PKD1L1: variants seen among roughly 807,000 people sequenced by gnomAD.
PKD1L1 encodes the protein polycystin 1 like 1, transient receptor potential channel interacting.
PKD1L1 carries 236 observed loss-of-function variants against 323.4 expected under a neutral mutation model. The ratio of observed to expected loss-of-function variants is 0.73; its 90% CI spans 0.66 to 0.81. The LOEUF is 0.81. Among genes scored for constraint, PKD1L1 ranks in the 40% least tolerant of loss-of-function variants. The pLI is 0.00. For missense variants in PKD1L1, 3,320 were observed against 3,508.0 expected (o/e 0.95, Z 1.35); for synonymous variants, 1,344 against 1,335.0 (o/e 1.01, Z -0.15).
At chr7:47,872,062 A>C (rs548970582) in intron 24 of PKD1L1, among the ~76,000 whole-genome samples, 1 of 152,260 alleles carries the variant, frequency 6.6e-6, no homozygotes, top group South Asian at 2.1e-4. Context: ...ATACTAACAA[A>C]CATGTTCAGC....
chr7:47,929,140 C>T lies in PKD1L1; in HGVS notation c.1060+64G>A. The T allele has an allele frequency of 2.0e-6, 3 of 1,499,710 alleles. No individual in the cohort carries two copies. The South Asian group carries it at 3.8e-5, about 19-fold the overall frequency. The allele number at this position is 1,499,710 out of a possible 1,614,324, so 92.9% of individuals were successfully genotyped here. A position where few individuals can be genotyped will look rare whatever the true frequency, so the allele number is the denominator to read the frequency against. On this transcript the variant is annotated intron_variant, in intron 7 of 56. Transcript: ENST00000289672. ...GTTTCTTTTCTTTTCCCAACACTGC[C>T]TCTTGGGTCCCCTAGCTCAGGACCT...
At chr7:47,919,062 C>G (rs190179953) in intron 7 of PKD1L1, among the ~76,000 whole-genome samples, 146 of 151,800 alleles carry the variant, frequency 9.6e-4, no homozygotes, top group African/African-American at 3.4e-3. Context: ...ACAAAAAATA[C>G]AAAAGATAAA....
intron 16 of PKD1L1, among the ~76,000 whole-genome samples, 179 bp downstream of exon 16, chr7:47,890,363 C>G (rs530954910): frequency 6.6e-6 from 1 of 152,208 alleles, no homozygotes; most frequent in South Asian, 2.1e-4. Context: ...AGCCCGAGAG[C>G]GGGGACTGCT....
At chr7:47,861,620 C>T (rs368867053) in intron 26 of PKD1L1, among the ~76,000 whole-genome samples, 36 of 152,118 alleles carry the variant, frequency 2.4e-4, no homozygotes, top group African/African-American at 8.2e-4. Context: ...CGGTGGCTCA[C>T]GCCTGTAATC....
intron 2 of PKD1L1, among the ~76,000 whole-genome samples, chr7:47,943,163 AATATATATATATATAT>A (rs60168291): frequency 6.4e-4 from 22 of 34,144 alleles, no homozygotes; most frequent in African/African-American, 2.0e-3. Flanking sequence ...AAAAAAAAAA[AATATATATATATATAT>A]ATATATATAT....
At chr7:47,924,748 C>T (rs1787626078) in intron 7 of PKD1L1, among the ~76,000 whole-genome samples, 2 of 152,128 alleles carry the variant, frequency 1.3e-5, no homozygotes, top group South Asian at 2.1e-4. Flanking sequence ...AATATTTAGT[C>T]TGTGAAGTTA....
intron 15 of PKD1L1, among the ~76,000 whole-genome samples, chr7:47,891,485 C>T (rs555257978): frequency 3.7e-4 from 57 of 152,322 alleles, no homozygotes; most frequent in African/African-American, 1.2e-3. Flanking sequence ...GGCCCCATCC[C>T]GCAGCCATAA....
intron 40 of PKD1L1, among the ~76,000 whole-genome samples, 168 bp downstream of exon 40, chr7:47,834,171 G>A (rs557781481): frequency 1.3e-4 from 20 of 152,326 alleles, no homozygotes; most frequent in African/African-American, 4.3e-4. Context: ...TAGGGAGGAC[G>A]GCCCCCAGCC....
Position 47,843,067 on chromosome 7 carries a change from C to T in PKD1L1, c.5340G>A (p.Lys1780=), listed in dbSNP as rs141273845. ...CTTGCAGAAAGATGTAACCAGCTTT[C>T]TTTTTTTCATGATGATCTACTTGTC... ...KSRQVDHHEK[K]KAGYIFLQEA... Residue 1780 remains lysine, a synonymous_variant, in exon 34 of 57, where the codon AAG becomes AAA. Coordinates refer to ENST00000289672, the MANE Select transcript of PKD1L1 (RefSeq NM_138295.5). 9 of 1,613,742 alleles carry T rather than the reference C, an allele frequency of 5.6e-6. No homozygotes were observed. The African/African-American group carries it at 9.4e-5, about 17-fold the overall frequency.
At chr7:47,815,709 A>G (rs1002220123) in intron 46 of PKD1L1, among the ~76,000 whole-genome samples, 2 of 152,220 alleles carry the variant, frequency 1.3e-5, no homozygotes, top group African/African-American at 4.8e-5. Flanking sequence ...TCACTCAACA[A>G]ACATTACTAT....
intron 2 of PKD1L1, among the ~76,000 whole-genome samples, chr7:47,940,522 A>C (rs1787964738): frequency 1.3e-5 from 2 of 152,194 alleles, no homozygotes; most frequent in Admixed American, 6.5e-5. Context: ...ACAATGTCTT[A>C]GGTGTAGCCC....
intron 7 of PKD1L1, among the ~76,000 whole-genome samples, chr7:47,925,116 T>C (rs1466097146): frequency 2.0e-5 from 3 of 152,084 alleles, no homozygotes; most frequent in Non-Finnish European, 2.9e-5. Flanking sequence ...GACAACCAGT[T>C]TGGGGACAAA....
Position 47,775,174 on chromosome 7 carries a change from G to GA in PKD1L1, c.8527-9dup. 1 of 1,613,594 alleles carries GA rather than the reference G, an allele frequency of 6.2e-7. No homozygotes were observed. The highest frequency in any genetic ancestry group is 1.1e-5 in the South Asian group (1 of 91,042). ...GTCCTTGATGTCTGCTGGCTAAAAA[G>GA]AAAAAATGAAAAACATACTGAAACA... On this transcript the variant is annotated splice_polypyrimidine_tract_variant and intron_variant, in intron 56 of 56. Transcript: ENST00000289672.
At chr7:47,912,206 T>C (rs1787336610) in intron 8 of PKD1L1, among the ~76,000 whole-genome samples, 1 of 152,000 alleles carries the variant, frequency 6.6e-6, no homozygotes, top group African/African-American at 2.4e-5. Context: ...AAAGTCAACA[T>C]TTTAGAGTAT....
chr7:47,813,705 A>T, intron 48 of PKD1L1: 1 of 638,434 alleles, frequency 1.6e-6, no homozygotes. Flanking sequence ...AATTGAAGAA[A>T]CCTGCAGCAG....
chr7:47,843,274 G>T, intron 33 of PKD1L1, 105 bp from the exon 34 acceptor site: 2 of 831,484 alleles, frequency 2.4e-6, no homozygotes, highest in Non-Finnish European at 1.8e-6. Flanking sequence ...GTCCCTGCTG[G>T]GCTTCACTGA....
At chr7:47,827,524 C>T (rs1785263217) in intron 44 of PKD1L1, 56 bp from the exon 45 acceptor site, 4 of 1,438,556 alleles carry the variant, frequency 2.8e-6, no homozygotes, top group African/African-American at 1.4e-5. Flanking sequence ...GGAGAGAGGC[C>T]CCTGGTGCTC....
At chr7:47,893,833 C>T (rs374658208) in intron 15 of PKD1L1, 45 bp downstream of exon 15, 136 of 1,575,470 alleles carry the variant, frequency 8.6e-5, no homozygotes, top group East Asian at 2.0e-4. Context: ...TTGCAGAATG[C>T]GCGGTCTGAG....
chr7:47,957,871 A>ATATATATATATATATC, the PKD1L1 span, among the ~76,000 whole-genome samples: 6 of 148,040 alleles, frequency 4.1e-5, no homozygotes, highest in Non-Finnish European at 7.5e-5. Context: ...AAATATATAT[A>ATATATATATATATATC]TATATATCTA....
Sources: gnomAD v4.1 joint callset for allele counts (sites outside exome capture counted in the v4.1 genomes callset) on GRCh38, gnomAD v4.1.1 for gene constraint, MANE v1.5 for transcripts, NCBI Gene and HGNC (gene_info 2026-07-23, HGNC 2026-07-21) for gene names.